The following RASL12 variants were observed in gnomAD, a reference collection of about 807,000 sequenced individuals.
RASL12 encodes ras-like protein family member 12.
RASL12 carries 16 observed loss-of-function variants against 22.9 expected under a neutral mutation model. That is an observed-to-expected ratio of 0.70 (90% CI 0.47 to 1.06). RASL12 has a LOEUF of 1.06. Ranked by LOEUF, RASL12 falls within the 50% of genes least tolerant of loss-of-function variation. The pLI, the probability that RASL12 is intolerant of heterozygous loss-of-function variation, is 0.00. For missense variants in RASL12, 306 were observed against 353.1 expected (o/e 0.87, Z 1.07); for synonymous variants, 159 against 152.2 (o/e 1.04, Z -0.33).
downstream of RASL12, chr15:65,052,962 C>A: frequency 6.3e-7 from 1 of 1,584,476 alleles, no homozygotes; most frequent in Non-Finnish European, 8.6e-7. Flanking sequence ...CCCTGTCCCC[C>A]CAGAAAAGAA....
intron 2 of RASL12, among the ~76,000 whole-genome samples, chr15:65,064,602 T>G (rs867011716): frequency 2.3e-5 from 3 of 130,496 alleles, no homozygotes; most frequent in Middle Eastern, 3.9e-3. Flanking sequence ...TGTTTTTGAG[T>G]TTTTTTTTTT....
chr15:65,056,385 G>C (rs2086732296), intron 4 of RASL12, among the ~76,000 whole-genome samples: 1 of 152,100 alleles, frequency 6.6e-6, no homozygotes, highest in Non-Finnish European at 1.5e-5. Context: ...TGAGTAACTG[G>C]GACAAAAAAG....
At chr15:65,068,128 G>T (rs2086903946), upstream of RASL12, 9 of 1,022,740 alleles carry the variant, frequency 8.8e-6, no homozygotes, top group Non-Finnish European at 1.1e-5. The surrounding 1 kb of genome is among the most constrained non-coding windows in gnomAD (Gnocchi z 4.2). Flanking sequence ...GGGAGCTCCT[G>T]CCGGCCGCGC....
chr15:65,051,381 C>T (rs1385413037), downstream of RASL12: 4 of 767,410 alleles, frequency 5.2e-6, no homozygotes, highest in East Asian at 1.0e-4. Flanking sequence ...GCAAGGGGCC[C>T]ATCTTTGATT....
chr15:65,051,419 G>A, downstream of RASL12: 1 of 1,154,876 alleles, frequency 8.7e-7, no homozygotes, highest in South Asian at 1.3e-5. Context: ...GACAGTTGAT[G>A]CTGTAAGCTG....
chr15:65,059,456 C>T (rs1418534452), intron 2 of RASL12, 38 bp from the exon 3 acceptor site: 1 of 1,544,424 alleles, frequency 6.5e-7, no homozygotes, highest in Non-Finnish European at 8.9e-7. Context: ...GACACAGTGC[C>T]TTGGGTGTAA....
chr15:65,048,007 C>A, the RASL12 span, among the ~76,000 whole-genome samples: 2 of 151,950 alleles, frequency 1.3e-5, no homozygotes, highest in South Asian at 4.2e-4. Context: ...GAGGAAACCC[C>A]ATCATTACTA....
chr15:65,050,010 G>A, downstream of RASL12: 1 of 1,551,142 alleles, frequency 6.4e-7, no homozygotes, highest in Non-Finnish European at 8.7e-7. Context: ...GGGGCATGGA[G>A]CACAGTGAGG....
At chr15:65,049,983 A>G, downstream of RASL12, 1 of 1,542,896 alleles carries the variant, frequency 6.5e-7, no homozygotes, top group Non-Finnish European at 8.8e-7. Context: ...ACCTCGTTGC[A>G]CACGCTACCA....
At position 65,054,634 on chromosome 15, in the gene RASL12, C is replaced by T; in HGVS notation, c.*265G>A. 1.5e-6 allele frequency: 2 copies of T among 1,343,110 alleles called. No homozygotes were observed. The highest frequency in any genetic ancestry group is 1.9e-6 in the Non-Finnish European group (2 of 1,045,558). The allele number at this position is 1,343,110 out of a possible 1,614,324, so 83.2% of individuals were successfully genotyped here. ...ATTTCTTCCTACTTAAGGCTGACCC[C>T]AGGTCTCTGGGTTGTCACAGTGGCT... On this transcript the variant is annotated 3_prime_UTR_variant, in exon 5 of 5. Coordinates refer to ENST00000220062, the MANE Select transcript of RASL12 (RefSeq NM_016563.4).
At chr15:65,045,931 C>G in the RASL12 span, among the ~76,000 whole-genome samples, 4 of 152,150 alleles carry the variant, frequency 2.6e-5, no homozygotes, top group African/African-American at 9.7e-5. Context: ...TTTTGGAGGC[C>G]GAGGCAGGCC....
upstream of RASL12, among the ~76,000 whole-genome samples, chr15:65,071,253 A>G (rs1366143823): frequency 6.6e-6 from 1 of 152,168 alleles, no homozygotes; most frequent in African/African-American, 2.4e-5. Context: ...TCAGAGTCTG[A>G]GGCAGGCTCC....
chr15:65,059,240 TA>T, intron 3 of RASL12, 104 bp downstream of exon 3: 1 of 943,172 alleles, frequency 1.1e-6, no homozygotes, highest in Non-Finnish European at 1.7e-6. Context: ...AAGTTGAGCT[TA>T]AAAGGCATCT....
At chr15:65,057,219 A>G (rs2086743397) in intron 4 of RASL12, among the ~76,000 whole-genome samples, 1 of 152,132 alleles carries the variant, frequency 6.6e-6, no homozygotes, top group African/African-American at 2.4e-5. Flanking sequence ...CTTCCTTGCT[A>G]ACACCAGTCA....
chr15:65,075,023 G>A (rs2086955447), intron 1 of RASL12, among the ~76,000 whole-genome samples: 1 of 152,236 alleles, frequency 6.6e-6, no homozygotes, highest in Non-Finnish European at 1.5e-5. Context: ...GAGGTGTGGA[G>A]GGAGAGGCGC....
intron 4 of RASL12, among the ~76,000 whole-genome samples, chr15:65,056,815 A>C (rs2086738082): frequency 6.6e-6 from 1 of 152,196 alleles, no homozygotes; most frequent in African/African-American, 2.4e-5. Flanking sequence ...TTGATCGAAG[A>C]ATGAAATAGG....
chr15:65,059,469 T>G (rs1189338186), intron 2 of RASL12, 51 bp from the exon 3 acceptor site: 4 of 1,447,922 alleles, frequency 2.8e-6, no homozygotes, highest in Non-Finnish European at 3.9e-6. Context: ...GGGTGTAAGT[T>G]TGAGCTTCCC....
intron 1 of RASL12, among the ~76,000 whole-genome samples, chr15:65,074,788 G>A (rs1456857646): frequency 1.3e-5 from 2 of 152,252 alleles, no homozygotes; most frequent in Non-Finnish European, 2.9e-5. Flanking sequence ...TATCTCCCTA[G>A]CAGCCCTCAG....
chr15:65,072,087 G>C (rs1157044551), upstream of RASL12, among the ~76,000 whole-genome samples: 1 of 152,214 alleles, frequency 6.6e-6, no homozygotes, highest in Non-Finnish European at 1.5e-5. Context: ...TGGTCCCCAA[G>C]ATTGGGACTG....
Sources: gnomAD v4.1 joint callset for allele counts (sites outside exome capture counted in the v4.1 genomes callset) on GRCh38, gnomAD v4.1.1 for gene constraint, Gnocchi (gnomAD v3.1) non-coding constraint, MANE v1.5 for transcripts, NCBI Gene and HGNC (gene_info 2026-07-23, HGNC 2026-07-21) for gene names.